Variants in GAS7 observed in about 807,000 individuals in gnomAD.
The protein encoded by GAS7 is growth arrest-specific protein 7.
Under a neutral mutation model 71.1 loss-of-function variants are expected in GAS7, and 28 were observed. That is an observed-to-expected ratio of 0.39 (90% CI 0.29 to 0.54). The LOEUF is 0.54. GAS7 is among the 20% of genes least tolerant of loss of function. The pLI, the probability that GAS7 is intolerant of heterozygous loss-of-function variation, is 0.62. For synonymous variants in GAS7, 258 were observed against 245.8 expected (o/e 1.05, Z -0.46); for missense variants, 436 against 627.8 (o/e 0.69, Z 3.27).
At chr17:10,139,358 C>T (rs2074063509) in intron 1 of GAS7, among the ~76,000 whole-genome samples, 1 of 152,216 alleles carries the variant, frequency 6.6e-6, no homozygotes, top group African/African-American at 2.4e-5. Context: ...GTCCAGGGGA[C>T]AGAGTCTAAC....
At chr17:10,078,053 T>TTGTG (rs59380311) in intron 1 of GAS7, among the ~76,000 whole-genome samples, 2,174 of 146,416 alleles carry the variant, frequency 0.015, 50 homozygotes, top group Admixed American at 0.044. Context: ...GTTTTTTCTG[T>TTGTG]TGTGTGTGTG....
At chr17:9,958,797 G>A (rs1198429396) in intron 5 of GAS7, 1 of 190,268 alleles carries the variant, frequency 5.3e-6, no homozygotes, top group Non-Finnish European at 1.1e-5. Context: ...GCTTTCTCTT[G>A]CTTTTTACTT....
chr17:10,197,480 A>G (rs1217927746), intron 1 of GAS7, among the ~76,000 whole-genome samples: 2 of 152,228 alleles, frequency 1.3e-5, no homozygotes, highest in Non-Finnish European at 2.9e-5. Flanking sequence ...ATTAGAGGAC[A>G]GCCTGTCACA....
chr17:10,029,236 C>T lies in GAS7; in HGVS notation c.184-9339G>A, dbSNP rs533058951. Among the ~76,000 whole-genome samples, 5 of 152,306 alleles carry T rather than the reference C, an allele frequency of 3.3e-5. No individual in the cohort carries two copies. The South Asian group carries it at 6.2e-4, about 19-fold the overall frequency. ...CCGGTGCATGATGGGGAAAATACCACGACCTTCATTGTACTTCAAGGTAGC... is the reference window on the plus strand; with the variant it reads ...CCGGTGCATGATGGGGAAAATACCATGACCTTCATTGTACTTCAAGGTAGC... On this transcript the variant is annotated intron_variant, in intron 1 of 13. Coordinates refer to ENST00000432992, the MANE Select transcript of GAS7 (RefSeq NM_201433.2).
chr17:10,018,381 C>A (rs1034978276), intron 2 of GAS7, among the ~76,000 whole-genome samples: 2 of 152,140 alleles, frequency 1.3e-5, no homozygotes, highest in Admixed American at 6.5e-5. Flanking sequence ...GCAACCTGAC[C>A]TTCCAATAAT....
intron 1 of GAS7, among the ~76,000 whole-genome samples, chr17:10,191,453 C>T (rs1428854707): frequency 7.0e-6 from 1 of 142,406 alleles, no homozygotes; most frequent in Non-Finnish European, 1.5e-5. Context: ...GCCTATAGTC[C>T]AAGCTACTTG....
intron 4 of GAS7, among the ~76,000 whole-genome samples, chr17:9,960,402 C>A (rs1486318861): frequency 6.6e-6 from 1 of 152,188 alleles, no homozygotes; most frequent in African/African-American, 2.4e-5. Flanking sequence ...GTTGGCCAGG[C>A]TGGTCTCGAA....
intron 2 of GAS7, among the ~76,000 whole-genome samples, chr17:10,007,625 CAAAA>C (rs201254619): frequency 7.0e-3 from 324 of 46,578 alleles, no homozygotes; most frequent in African/African-American, 0.021. Context: ...GATTCTGTCT[CAAAA>C]AAAAAAAAAA....
intron 1 of GAS7, among the ~76,000 whole-genome samples, chr17:10,093,730 C>A (rs6503286): frequency 6.6e-6 from 1 of 151,840 alleles, no homozygotes; most frequent in African/African-American, 2.4e-5. Flanking sequence ...GAGTATTTCA[C>A]GAAATTTATT....
rs145906641 is a variant in GAS7, at chr17:9,981,870, G to A, written c.319C>T (p.Arg107Cys). Residue 107 changes from arginine (R) to cysteine (C), a missense_variant, in exon 3 of 14, where the codon CGT (arginine) becomes TGT (cysteine). By Grantham distance (180) the Arg-to-Cys change is radical. Transcript: ENST00000432992. The surrounding 1 kb of genome is among the most constrained non-coding windows in gnomAD (Gnocchi z 4.4). ...NTTTNETTWE[R>C]PSSSPGIPAS... Reference sequence around the variant, plus strand: ...GGAATCCCAGGAGAACTGCTGGGACGTTCCCAGGTGGTCTCTGGTGAAAGA... The same window carrying A: ...GGAATCCCAGGAGAACTGCTGGGACATTCCCAGGTGGTCTCTGGTGAAAGA... The A allele has an allele frequency of 5.0e-4, 791 of 1,586,696 alleles. 4 individuals carry two copies. The African/African-American group carries it at 9.6e-3, about 19-fold the overall frequency.
chr17:10,141,183 C>T (rs780640585), intron 1 of GAS7, among the ~76,000 whole-genome samples: 3 of 152,228 alleles, frequency 2.0e-5, no homozygotes, highest in Non-Finnish European at 4.4e-5. Context: ...GGCGCGGTGG[C>T]TCACGCCTGT....
At position 10,019,854 on chromosome 17, in the gene GAS7, G is replaced by C; in HGVS notation, c.227C>G (p.Thr76Arg). ...CTGCCAGCCAGGTGGAAGGATGACC[G>C]TCTGGCTTTCTTCTCCCGGCGGAGG... Reference protein sequence around the residue: ...VPPPPGEESQTVILPPGWQSY... With the variant: ...VPPPPGEESQRVILPPGWQSY... Residue 76 changes from threonine to arginine, a missense_variant, in exon 2 of 14, where the codon ACG (threonine) becomes AGG (arginine). Thr to Arg is a moderately conservative substitution (Grantham distance 71). Transcript: ENST00000432992. 1 of 1,613,550 alleles carries C rather than the reference G, an allele frequency of 6.2e-7. No individual in the cohort carries two copies. The highest frequency in any genetic ancestry group is 8.5e-7 in the Non-Finnish European group (1 of 1,179,474).
At chr17:9,992,555 C>G (rs1000406504) in intron 2 of GAS7, among the ~76,000 whole-genome samples, 6 of 140,384 alleles carry the variant, frequency 4.3e-5, no homozygotes, top group Non-Finnish European at 8.0e-5. Flanking sequence ...GGCCTCCTTC[C>G]CAAAGTCTTT....
chr17:9,930,977 C>T (rs1266328552), intron 9 of GAS7, among the ~76,000 whole-genome samples: 2 of 152,236 alleles, frequency 1.3e-5, no homozygotes, highest in South Asian at 2.1e-4. Flanking sequence ...GTGTCCTGAA[C>T]ACTAACTTAA....
At chr17:9,965,131 C>A (rs1198359361) in intron 4 of GAS7, among the ~76,000 whole-genome samples, 1 of 152,168 alleles carries the variant, frequency 6.6e-6, no homozygotes, top group Admixed American at 6.5e-5. Flanking sequence ...AGCCTTTGAT[C>A]TAGAACCGGA....
intron 9 of GAS7, among the ~76,000 whole-genome samples, chr17:9,930,691 G>A (rs2068177804): frequency 6.6e-6 from 1 of 152,206 alleles, no homozygotes; most frequent in Non-Finnish European, 1.5e-5. Flanking sequence ...CTGACACAGA[G>A]CATTCAGAGC....
chr17:10,198,121 T>C, intron 1 of GAS7, 87 bp downstream of exon 1: 1 of 1,326,768 alleles, frequency 7.5e-7, no homozygotes, highest in Middle Eastern at 2.4e-4. Context: ...ACCGGGACGC[T>C]GCGGCATCCC....
chr17:10,130,438 G>A (rs1000323512), intron 1 of GAS7, among the ~76,000 whole-genome samples: 2 of 151,728 alleles, frequency 1.3e-5, no homozygotes, highest in Non-Finnish European at 2.9e-5. Context: ...AAACAGCCTG[G>A]CCATTCCTCA....
At chr17:10,179,869 G>A (rs988436563) in intron 1 of GAS7, among the ~76,000 whole-genome samples, 3 of 152,152 alleles carry the variant, frequency 2.0e-5, no homozygotes, top group Non-Finnish European at 2.9e-5. Context: ...AATAAAGAAG[G>A]CAAATAGTAA....
Sources: allele counts gnomAD v4.1 joint callset (sites outside exome capture counted in the v4.1 genomes callset), GRCh38; gene constraint gnomAD v4.1.1; non-coding constraint Gnocchi (gnomAD v3.1); transcripts MANE v1.5; gene names NCBI Gene and HGNC (gene_info 2026-07-23, HGNC 2026-07-21).